Variants in MMRN1 observed in about 807,000 individuals in gnomAD.
The protein encoded by MMRN1 is multimerin-1.
In MMRN1, 94 loss-of-function variants were observed where a neutral mutation model predicts 100.7. The observed-to-expected ratio is 0.93, with a 90% CI of 0.79 to 1.11. The LOEUF is 1.11. Ranked by LOEUF, MMRN1 falls within the 50% of genes least tolerant of loss-of-function variation. MMRN1 has a pLI of 0.00. For missense variants in MMRN1, 1,606 were observed against 1,439.1 expected (o/e 1.12, Z -1.88); for synonymous variants, 575 against 505.0 (o/e 1.14, Z -1.86).
chr4:89,911,218 C>A (rs1478531441), intron 2 of MMRN1, among the ~76,000 whole-genome samples: 3 of 151,400 alleles, frequency 2.0e-5, no homozygotes, highest in Non-Finnish European at 3.0e-5. Context: ...GTACTTATGA[C>A]TTACATTTAC....
At chr4:89,922,732 C>T (rs1722129985) in intron 3 of MMRN1, among the ~76,000 whole-genome samples, 1 of 152,044 alleles carries the variant, frequency 6.6e-6, no homozygotes, top group Non-Finnish European at 1.5e-5. Flanking sequence ...TAGTAAGGAA[C>T]CTGTAGCTCT....
chr4:89,898,635 C>G (rs1372508), intron 1 of MMRN1, among the ~76,000 whole-genome samples: 60,095 of 151,098 alleles, frequency 0.4, 12,736 homozygotes, highest in East Asian at 0.46. Flanking sequence ...CCGCCACTTC[C>G]GGCTATTCAA....
rs1722640542 is a variant in MMRN1, at chr4:89,936,428, C to G, written c.2748C>G (p.Asn916Lys). ...LEAKSIHLSINFFSLNKTLHE... is the reference protein window; with the variant it reads ...LEAKSIHLSIKFFSLNKTLHE... ...CAAAATCTATCCATCTTTCAATTAA[C>G]TTCTTTTCGCTTAACAAAACTCTCC... The change falls in exon 6 of 8, where the codon AAC becomes AAG. Residue 916 changes from asparagine (N) to lysine (K), a missense_variant. Transcript: ENST00000264790. 6.2e-7 allele frequency: 1 copy of G among 1,609,666 alleles called. No homozygotes were observed. The highest frequency in any genetic ancestry group is 1.3e-5 in the African/African-American group (1 of 74,772).
intron 1 of MMRN1, among the ~76,000 whole-genome samples, chr4:89,885,225 A>G (rs1027613360): frequency 2.1e-5 from 3 of 145,906 alleles, no homozygotes; most frequent in Non-Finnish European, 4.5e-5. Flanking sequence ...TCATTCTAAT[A>G]TGGTGAATAA....
At chr4:89,909,445 T>C (rs1221200547) in intron 2 of MMRN1, 50 bp downstream of exon 2, 1 of 1,589,422 alleles carries the variant, frequency 6.3e-7, no homozygotes, top group South Asian at 1.1e-5. Context: ...CATAATAAAT[T>C]ATAGCCGGGA....
At chr4:89,892,068 T>C (rs1181894294), upstream of MMRN1, among the ~76,000 whole-genome samples, 1 of 151,810 alleles carries the variant, frequency 6.6e-6, no homozygotes, top group Non-Finnish European at 1.5e-5. Context: ...TTAATTCATA[T>C]GCATTATAAG....
At chr4:89,889,362 C>A (rs1364725237) in intron 1 of MMRN1, among the ~76,000 whole-genome samples, 1 of 152,176 alleles carries the variant, frequency 6.6e-6, no homozygotes, top group Middle Eastern at 3.4e-3. Flanking sequence ...CAGAGGGCGT[C>A]GAGGGCCTTA....
Position 89,927,936 on chromosome 4 carries a change from A to T in MMRN1, c.1097A>T (p.Asp366Val). 6.2e-7 allele frequency: 1 copy of T among 1,602,626 alleles called. No homozygotes were observed. The highest frequency in any genetic ancestry group is 8.5e-7 in the Non-Finnish European group (1 of 1,175,784). The change falls in exon 5 of 8, where the codon GAT becomes GTT. Residue 366 changes from aspartate to valine, a missense_variant. Physicochemically the swap from Asp to Val is radical, Grantham distance 152 (BLOSUM62 -3). Coordinates refer to ENST00000264790, the MANE Select transcript of MMRN1 (RefSeq NM_007351.3). The stretch of plus-strand genomic sequence containing the variant: ...TCCCTAGAAGGAAAAGTCAGCGAAG[A>T]TAAAAGCAGAGAATTTCAATCTCTT... ...YSSLEGKVSE[D>V]KSREFQSLLK...
intron 6 of MMRN1, among the ~76,000 whole-genome samples, chr4:89,941,154 C>T (rs1722809401): frequency 6.6e-6 from 1 of 152,072 alleles, no homozygotes; most frequent in Non-Finnish European, 1.5e-5. Context: ...TACAAAATGG[C>T]TGAATATAAG....
chr4:89,924,672 G>C (rs1027017471), intron 4 of MMRN1, among the ~76,000 whole-genome samples: 1 of 151,646 alleles, frequency 6.6e-6, no homozygotes, highest in Non-Finnish European at 1.5e-5. Flanking sequence ...GTGAAACCCC[G>C]TCTCTACTAA....
At chr4:89,914,534 T>TG (rs1385756835) in intron 3 of MMRN1, among the ~76,000 whole-genome samples, 1 of 151,386 alleles carries the variant, frequency 6.6e-6, no homozygotes, top group Non-Finnish European at 1.5e-5. Flanking sequence ...AGAACTTTAT[T>TG]GGGGGAAAAA....
intron 7 of MMRN1, among the ~76,000 whole-genome samples, 180 bp downstream of exon 7, chr4:89,951,931 T>C (rs1369967818): frequency 6.6e-6 from 1 of 152,194 alleles, no homozygotes; most frequent in African/African-American, 2.4e-5. Context: ...TGTCCTTTTG[T>C]TAGGCAAATT....
At chr4:89,924,733 A>T (rs1170490963) in intron 4 of MMRN1, among the ~76,000 whole-genome samples, 1 of 152,082 alleles carries the variant, frequency 6.6e-6, no homozygotes, top group Non-Finnish European at 1.5e-5. Flanking sequence ...AATCCTAGCT[A>T]CTTGGGAGGC....
chr4:89,951,622 A>C lies in MMRN1; in HGVS notation c.3136A>C (p.Ser1046Arg). ...CGTAACAGAGGAGTATTCAAGCTGT[A>C]GTCGGCATCCGTGCCAAAATGGGGG... is the stretch of plus-strand genomic sequence containing the variant. ...IIYPEEYSSC[S>R]RHPCQNGGTC... is the part of the protein sequence containing the mutation. Residue 1046 changes from serine to arginine, a missense_variant, in exon 7 of 8, where the codon AGT (serine) becomes CGT (arginine). Ser to Arg is a moderately radical substitution (Grantham distance 110). Transcript: ENST00000264790. 2 of 1,527,358 alleles carry C rather than the reference A, an allele frequency of 1.3e-6. No homozygotes were observed. The highest frequency in any genetic ancestry group is 1.8e-6 in the Non-Finnish European group (2 of 1,141,826). The allele number at this position is 1,527,358 out of a possible 1,614,324, so 94.6% of individuals were successfully genotyped here. A position where few individuals can be genotyped will look rare whatever the true frequency, so the allele number is the denominator to read the frequency against.
At chr4:89,916,537 T>C (rs945293601) in intron 3 of MMRN1, among the ~76,000 whole-genome samples, 2 of 151,710 alleles carry the variant, frequency 1.3e-5, no homozygotes, top group Non-Finnish European at 2.9e-5. Flanking sequence ...CTATAAAATA[T>C]GAAAAAAGCT....
chr4:89,939,932 A>G (rs1578499910), intron 6 of MMRN1, among the ~76,000 whole-genome samples: 1 of 152,234 alleles, frequency 6.6e-6, no homozygotes, highest in Admixed American at 6.6e-5. Flanking sequence ...TCAGATAGTC[A>G]CAAGATCTTC....
chr4:89,914,219 T>C (rs1326521130), intron 3 of MMRN1, among the ~76,000 whole-genome samples: 3 of 151,358 alleles, frequency 2.0e-5, no homozygotes, highest in Admixed American at 6.6e-5. Context: ...ATTGGAGCTG[T>C]TTGCAATTGT....
chr4:89,894,496 T>C (rs1419766546), upstream of MMRN1, among the ~76,000 whole-genome samples: 1 of 152,178 alleles, frequency 6.6e-6, no homozygotes, highest in Non-Finnish European at 1.5e-5. Flanking sequence ...GCACAGCAGA[T>C]AAGTATCATA....
intron 3 of MMRN1, among the ~76,000 whole-genome samples, chr4:89,920,283 A>G (rs1408868799): frequency 1.3e-5 from 2 of 152,140 alleles, no homozygotes; most frequent in Admixed American, 6.6e-5. Context: ...GGGAATGTGC[A>G]ATGTTGCTAG....
Sources: gnomAD v4.1 joint callset for allele counts (sites outside exome capture counted in the v4.1 genomes callset) on GRCh38, gnomAD v4.1.1 for gene constraint, MANE v1.5 for transcripts, NCBI Gene and HGNC (gene_info 2026-07-23, HGNC 2026-07-21) for gene names.